Variants in TESK2 observed in about 807,000 individuals in gnomAD.
TESK2 encodes dual specificity testis-specific protein kinase 2.
A neutral mutation model predicts 57.1 loss-of-function variants in TESK2; 39 were observed. That is an observed-to-expected ratio of 0.68 (90% CI 0.53 to 0.89). The LOEUF is 0.89. TESK2 is among the 40% of genes least tolerant of loss of function. The probability of loss-of-function intolerance (pLI) is 0.00; values close to 1 mark genes in which losing one functional copy is unlikely to be tolerated. For missense variants in TESK2, 646 were observed against 732.1 expected (o/e 0.88, Z 1.36); for synonymous variants, 249 against 267.9 (o/e 0.93, Z 0.69).
At chr1:45,356,520 T>C (rs539137237) in intron 4 of TESK2, among the ~76,000 whole-genome samples, 33 of 150,794 alleles carry the variant, frequency 2.2e-4, no homozygotes, top group African/African-American at 7.1e-4. Flanking sequence ...CCTAGCTACA[T>C]GGGAAGATCG....
intron 4 of TESK2, among the ~76,000 whole-genome samples, chr1:45,364,256 A>G (rs1647813444): frequency 6.6e-6 from 1 of 152,226 alleles, no homozygotes; most frequent in Non-Finnish European, 1.5e-5. Context: ...TAATCAAGTT[A>G]AGATGAGGTC....
intron 3 of TESK2, among the ~76,000 whole-genome samples, chr1:45,410,620 T>C (rs559580187): frequency 3.3e-5 from 5 of 152,016 alleles, no homozygotes; most frequent in Non-Finnish European, 5.9e-5. Flanking sequence ...AAAAAAAATT[T>C]TTTTTTAAAA....
In TESK2 at chr1:45,345,112, GC is replaced by G. The variant is rs775424413; in HGVS notation, c.1443del (p.Pro483HisfsTer4). On this transcript the variant is annotated frameshift_variant, in exon 11 of 11. Transcript: ENST00000372086. LOFTEE classifies it high-confidence loss of function. ...FVGREESLSD[G>X]PPPRLSSLKY... is the part of the protein sequence containing the mutation. ...TTGAGACTACTTAGGCGTGGTGGGG[GC>G]CCATCAGATAGCGATTCTTCCCGGC... 6 of 1,614,028 alleles carry G rather than the reference GC, an allele frequency of 3.7e-6. No homozygotes were observed. The highest frequency in any genetic ancestry group is 3.3e-4 in the Middle Eastern group (2 of 6,084).
At chr1:45,474,605 T>C (rs1381143716) in intron 1 of TESK2, among the ~76,000 whole-genome samples, 1 of 152,062 alleles carries the variant, frequency 6.6e-6, no homozygotes, top group African/African-American at 2.4e-5. Flanking sequence ...CCTGAGTAGC[T>C]GGGATTACAG....
intron 2 of TESK2, among the ~76,000 whole-genome samples, chr1:45,450,148 C>T (rs945441743): frequency 1.3e-5 from 2 of 151,918 alleles, no homozygotes; most frequent in Admixed American, 1.3e-4. Context: ...GGATAAATTC[C>T]GAATGGATCA....
chr1:45,348,721 T>A (rs935727927), intron 5 of TESK2, among the ~76,000 whole-genome samples: 1 of 152,224 alleles, frequency 6.6e-6, no homozygotes, highest in African/African-American at 2.4e-5. Flanking sequence ...ATTTTGTATT[T>A]TAAGGCAAGC....
At chr1:45,423,347 C>A (rs1458606879) in intron 2 of TESK2, among the ~76,000 whole-genome samples, 2 of 152,012 alleles carry the variant, frequency 1.3e-5, no homozygotes, top group Non-Finnish European at 2.9e-5. Context: ...CACGAGGTCA[C>A]AAAATCGAGA....
At chr1:45,387,999 C>T (rs1197227221) in intron 3 of TESK2, among the ~76,000 whole-genome samples, 1 of 152,064 alleles carries the variant, frequency 6.6e-6, no homozygotes, top group African/African-American at 2.4e-5. Flanking sequence ...CAGAGCAAAA[C>T]TCTGCCTCAA....
At position 45,344,512 on chromosome 1, in the gene TESK2, G is replaced by T; in HGVS notation, c.*328C>A. ...AGACCTGGGGTGGGGAAAGAACCGG[G>T]GTAATAGCTGCCTGCCAGCTCAGCC... On this transcript the variant is annotated 3_prime_UTR_variant, in exon 11 of 11. Transcript: ENST00000372086. 2 of 283,348 alleles carry T rather than the reference G, an allele frequency of 7.1e-6. No homozygotes were observed. Among genetic ancestry groups the T allele is most frequent in the Middle Eastern group, 1.1e-3 (1 of 874 alleles). 17.6% of individuals were successfully genotyped at this position (283,348 alleles called of 1,614,324 possible). A position where few individuals can be genotyped will look rare whatever the true frequency, so the allele number is the denominator to read the frequency against.
chr1:45,384,369 AT>A (rs1557551253), intron 4 of TESK2, among the ~76,000 whole-genome samples: 8 of 134,866 alleles, frequency 5.9e-5, no homozygotes, highest in African/African-American at 2.3e-4. Context: ...GTACGTATCT[AT>A]CTATCTATCT....
In TESK2 at chr1:45,400,503, A is replaced by T. The variant is rs1040493149; in HGVS notation, c.345-14543T>A. 2.6e-4 allele frequency among the ~76,000 whole-genome samples: 39 copies of T among 152,198 alleles called. 1 individual carries two copies. Among genetic ancestry groups the T allele is most frequent in the African/African-American group, 9.2e-4 (38 of 41,448 alleles). On this transcript the variant is annotated intron_variant, in intron 3 of 10. Coordinates refer to ENST00000372086, the MANE Select transcript of TESK2 (RefSeq NM_007170.3). ...CTAATAATAGGTACATAACACAAAA[A>T]ATTGTATGGGTCACTCCCCTGTGAT...
At chr1:45,433,840 T>C (rs936711051) in intron 2 of TESK2, among the ~76,000 whole-genome samples, 1 of 152,180 alleles carries the variant, frequency 6.6e-6, no homozygotes, top group Non-Finnish European at 1.5e-5. Flanking sequence ...TTCTATTTTT[T>C]ACTTTTTTGA....
intron 2 of TESK2, among the ~76,000 whole-genome samples, chr1:45,454,702 A>G: frequency 6.6e-6 from 1 of 152,152 alleles, no homozygotes. Context: ...AACCAAATAG[A>G]TACCTGTATA....
At chr1:45,370,034 A>G (rs1439724668) in intron 4 of TESK2, among the ~76,000 whole-genome samples, 3 of 152,170 alleles carry the variant, frequency 2.0e-5, no homozygotes, top group Non-Finnish European at 2.9e-5. Context: ...TCTATAGGAC[A>G]GAGGGAAAGA....
At chr1:45,483,770 G>A (rs1653336254) in intron 1 of TESK2, among the ~76,000 whole-genome samples, 1 of 151,792 alleles carries the variant, frequency 6.6e-6, no homozygotes, top group South Asian at 2.1e-4. Context: ...GGCTGAAATG[G>A]GAGGAGTGTT....
chr1:45,449,445 A>G (rs959178303), intron 2 of TESK2, among the ~76,000 whole-genome samples: 3 of 151,964 alleles, frequency 2.0e-5, no homozygotes, highest in African/African-American at 7.3e-5. Context: ...TGAAGCAACC[A>G]AGATGTCCTT....
Position 45,483,602 on chromosome 1 carries a change from A to G in TESK2, c.-87+7250T>C, listed in dbSNP as rs200900041. 1.2e-3 allele frequency among the ~76,000 whole-genome samples: 46 copies of G among 38,250 alleles called. 1 individual carries two copies. In the South Asian group the frequency reaches 0.022, roughly 18 times the overall value. The allele number at this position is 38,250 out of a possible 152,430, so 25.1% of individuals were successfully genotyped here. On this transcript the variant is annotated intron_variant, in intron 1 of 10. Coordinates refer to ENST00000372086, the MANE Select transcript of TESK2 (RefSeq NM_007170.3). ...AACGAAACTCCGTCTCAGAAAAAAG[A>G]AAAAAAAAAAAAGGAAATTAATGAA...
At chr1:45,441,369 C>G (rs1651436732) in intron 2 of TESK2, among the ~76,000 whole-genome samples, 1 of 151,944 alleles carries the variant, frequency 6.6e-6, no homozygotes, top group African/African-American at 2.4e-5. Context: ...GGGGTTTTGC[C>G]ATTCGCCATG....
intron 3 of TESK2, among the ~76,000 whole-genome samples, chr1:45,393,412 C>T (rs1649226320): frequency 6.6e-6 from 1 of 152,140 alleles, no homozygotes; most frequent in South Asian, 2.1e-4. Flanking sequence ...AGTGGTGTCA[C>T]AGAGCTGGCA....
Sources: gnomAD v4.1 joint callset for allele counts (sites outside exome capture counted in the v4.1 genomes callset) on GRCh38, gnomAD v4.1.1 for gene constraint, MANE v1.5 for transcripts, NCBI Gene and HGNC (gene_info 2026-07-23, HGNC 2026-07-21) for gene names.